HACL1: variants seen among roughly 807,000 people sequenced by gnomAD.
HACL1 encodes the protein 2-hydroxyacyl-CoA lyase 1.
In HACL1, 64 loss-of-function variants were observed where a neutral mutation model predicts 74.2. That is an observed-to-expected ratio of 0.86 (90% confidence interval 0.70 to 1.06). The LOEUF (loss-of-function observed/expected upper bound fraction) is 1.06, where lower values mean the gene tolerates loss of function less well. HACL1 is among the 50% of genes least tolerant of loss of function. HACL1 has a pLI of 0.00. For missense variants in HACL1, 728 were observed against 719.7 expected, an observed-to-expected ratio of 1.01 and a Z score of -0.13; for synonymous variants, 230 against 238.8, an observed-to-expected ratio of 0.96 and a Z score of 0.34.
At position 15,592,519 on chromosome 3, in the gene HACL1, T is replaced by TAC. The variant is rs2063955046; in HGVS notation, c.228-841_228-840dup. Among the ~76,000 whole-genome samples, 6 of 148,138 alleles carry TAC rather than the reference T, an allele frequency of 4.1e-5. No homozygotes were observed. The South Asian group carries it at 1.3e-3, about 31-fold the overall frequency. On this transcript the variant is annotated intron_variant, in intron 3 of 16. Coordinates refer to ENST00000321169, the MANE Select transcript of HACL1 (RefSeq NM_012260.4). ...ATATACACTTGTATATACACTTGTA[T>TAC]ACATATACACATGTATACACATGTA...
At chr3:15,566,297 T>G (rs1471248665) in intron 14 of HACL1, among the ~76,000 whole-genome samples, 1 of 152,194 alleles carries the variant, frequency 6.6e-6, no homozygotes, top group Non-Finnish European at 1.5e-5. Context: ...CATGAGTTTC[T>G]CCATGAATTC....
chr3:15,595,604 C>CTT (rs764183329), intron 3 of HACL1, among the ~76,000 whole-genome samples: 495 of 97,222 alleles, frequency 5.1e-3, no homozygotes, highest in Non-Finnish European at 7.7e-3. Context: ...ATCTTTTTTC[C>CTT]TTTTTTTTTT....
At chr3:15,575,223 C>A in intron 9 of HACL1, 141 bp from the exon 10 acceptor site, 2 of 497,470 alleles carry the variant, frequency 4.0e-6, no homozygotes, top group Non-Finnish European at 7.4e-6. Flanking sequence ...TATATTTGAT[C>A]TTTCAAGCTA....
At chr3:15,600,882 T>C in intron 2 of HACL1, 2 of 607,350 alleles carry the variant, frequency 3.3e-6, no homozygotes, top group Non-Finnish European at 5.9e-6. Flanking sequence ...TACTACCAGC[T>C]GTGTCACCAA....
In HACL1 at chr3:15,601,088, A is replaced by G; in HGVS notation, c.186+2T>C. ...CATTCAGCCACCTGAGTCCATACTC[A>G]CCGCTTGCTCATTCCTCATCCCGAT... On this transcript the variant is annotated splice_donor_variant, in intron 2 of 16. Coordinates refer to ENST00000321169, the MANE Select transcript of HACL1 (RefSeq NM_012260.4). LOFTEE classifies it high-confidence loss of function. The G allele has an allele frequency of 6.3e-7, 1 of 1,598,216 alleles. No individual in the cohort carries two copies. Among genetic ancestry groups the G allele is most frequent in the South Asian group, 1.1e-5 (1 of 90,772 alleles).
At position 15,591,688 on chromosome 3, in the gene HACL1, C is replaced by T. The variant is rs1237077146; in HGVS notation, c.228-8G>A. 6.3e-7 allele frequency: 1 copy of T among 1,591,772 alleles called. No homozygotes were observed. The highest frequency in any genetic ancestry group is 1.3e-5 in the African/African-American group (1 of 74,404). On this transcript the variant is annotated splice_region_variant and splice_polypyrimidine_tract_variant and intron_variant, in intron 3 of 16. Coordinates refer to ENST00000321169, the MANE Select transcript of HACL1 (RefSeq NM_012260.4). ...ACAAGGCAGACTCCTGGCCTAAAAGCAAAACAGAATTTATTAAAATCAGGT... is the reference window on the plus strand; with the variant it reads ...ACAAGGCAGACTCCTGGCCTAAAAGTAAAACAGAATTTATTAAAATCAGGT...
intron 11 of HACL1, among the ~76,000 whole-genome samples, chr3:15,572,414 ACTGGAGTGCT>A (rs1422882496): frequency 6.6e-6 from 1 of 152,122 alleles, no homozygotes; most frequent in African/African-American, 2.4e-5. Context: ...CATAGGACAG[ACTGGAGTGCT>A]ACCTCCTCCA....
In HACL1 at chr3:15,568,565, G is replaced by C; in HGVS notation, c.1117C>G (p.Leu373Val). The C allele has an allele frequency of 6.4e-7, 1 of 1,552,638 alleles. No homozygotes were observed. Among genetic ancestry groups the C allele is most frequent in the Non-Finnish European group, 8.8e-7 (1 of 1,137,126 alleles). Residue 373 changes from leucine (L) to valine (V), a missense_variant, in exon 13 of 17, where the codon CTG becomes GTG. Physicochemically the swap from Leu to Val is conservative, Grantham distance 32 (BLOSUM62 1). Coordinates refer to ENST00000321169, the MANE Select transcript of HACL1 (RefSeq NM_012260.4). Reference protein sequence around the residue: ...ASKELASKKSLPMNYYTVFYH... With the variant: ...ASKELASKKSVPMNYYTVFYH... ...AATACTGTGTAATAATTCATAGGCA[G>C]GGATTTTTTAGAAGCTAGTTCCTGA...
Position 15,589,228 on chromosome 3 carries a change from G to A in HACL1, c.381+312C>T, listed in dbSNP as rs1450085181. On this transcript the variant is annotated intron_variant, in intron 5 of 16. Transcript: ENST00000321169. ...TTAAGAGTTGCAGGCCAAGTGCGGT[G>A]GCTCATGCTTGTAATCCCAGCACTT... is the stretch of plus-strand genomic sequence containing the variant. 1.3e-5 allele frequency among the ~76,000 whole-genome samples: 2 copies of A among 152,100 alleles called. 1 individual carries two copies.
rs1348292890 is a variant in HACL1 at position 15,567,963 on chromosome 3, C to G, written c.1290G>C (p.Leu430Phe). 1 of 1,614,164 alleles carries G rather than the reference C, an allele frequency of 6.2e-7. No homozygotes were observed. Among genetic ancestry groups the G allele is most frequent in the Non-Finnish European group, 8.5e-7 (1 of 1,180,010 alleles). Reference sequence around the variant, plus strand: ...CCACGGCAGCTGCAATAGCAAATCCCAAACCAACTCCCATTGTTCCGAAAG... The same window carrying G: ...CCACGGCAGCTGCAATAGCAAATCCGAAACCAACTCCCATTGTTCCGAAAG... ...AGTFGTMGVG[L>F]GFAIAAAVVA... The change falls in exon 14 of 17, where the codon TTG becomes TTC. Residue 430 changes from leucine (L) to phenylalanine (F), a missense_variant. Coordinates refer to ENST00000321169, the MANE Select transcript of HACL1 (RefSeq NM_012260.4).
intron 14 of HACL1, among the ~76,000 whole-genome samples, chr3:15,565,023 T>C (rs2063409078): frequency 6.6e-6 from 1 of 151,946 alleles, no homozygotes; most frequent in African/African-American, 2.4e-5. Flanking sequence ...AAATTAGCTG[T>C]GCATGGTGGC....
At chr3:15,589,497 A>G (rs1182463012) in intron 5 of HACL1, 43 bp downstream of exon 5, 1 of 1,260,900 alleles carries the variant, frequency 7.9e-7, no homozygotes. Context: ...ATCCTGTTTC[A>G]AAAATTAAAA....
At chr3:15,598,600 C>A (rs779980980) in intron 2 of HACL1, among the ~76,000 whole-genome samples, 40 of 152,232 alleles carry the variant, frequency 2.6e-4, no homozygotes, top group Non-Finnish European at 1.5e-4. Context: ...AGTAAGCTCT[C>A]AAGAACAATG....
chr3:15,593,920 C>A (rs987694888), intron 3 of HACL1, among the ~76,000 whole-genome samples: 4 of 151,720 alleles, frequency 2.6e-5, no homozygotes, highest in Admixed American at 1.3e-4. Context: ...GCCTCAGCCT[C>A]CCAAGTAGCT....
chr3:15,578,445 C>T (rs548430816), intron 9 of HACL1, among the ~76,000 whole-genome samples: 2 of 152,268 alleles, frequency 1.3e-5, no homozygotes, highest in East Asian at 3.9e-4. Flanking sequence ...GAAGAAGCAA[C>T]CCACACAGAG....
At chr3:15,589,441 G>A in intron 5 of HACL1, 99 bp downstream of exon 5, 1 of 719,532 alleles carries the variant, frequency 1.4e-6, no homozygotes, top group Non-Finnish European at 2.4e-6. Flanking sequence ...AGACTGCAGT[G>A]AGCTGAGATG....
At chr3:15,592,625 T>C (rs557808768) in intron 3 of HACL1, among the ~76,000 whole-genome samples, 1 of 46,628 alleles carries the variant, frequency 2.1e-5, no homozygotes, top group Non-Finnish European at 4.0e-5. Flanking sequence ...TGTATACACA[T>C]GTACGCACAT....
chr3:15,592,411 C>T (rs1012356952), intron 3 of HACL1, among the ~76,000 whole-genome samples: 7 of 150,602 alleles, frequency 4.6e-5, no homozygotes, highest in Admixed American at 4.6e-4. Flanking sequence ...TGTAGACACA[C>T]GTATACACAC....
At chr3:15,581,571 C>G (rs1387885469) in intron 8 of HACL1, among the ~76,000 whole-genome samples, 4 of 152,206 alleles carry the variant, frequency 2.6e-5, no homozygotes, top group Non-Finnish European at 5.9e-5. Context: ...TCAGTTCTCT[C>G]TTCCTGCTTT....
Sources: allele counts gnomAD v4.1 joint callset (sites outside exome capture counted in the v4.1 genomes callset), GRCh38; gene constraint gnomAD v4.1.1; transcripts MANE v1.5; gene names NCBI Gene and HGNC (gene_info 2026-07-23, HGNC 2026-07-21).